The following GPAT3 variants were observed in gnomAD, a reference collection of about 807,000 sequenced individuals.
The protein encoded by GPAT3 is 1-AGP acyltransferase 9.
Under a neutral mutation model 58.8 loss-of-function variants are expected in GPAT3, and 53 were observed. The ratio of observed to expected loss-of-function variants is 0.90; its 90% CI spans 0.72 to 1.13. The LOEUF (loss-of-function observed/expected upper bound fraction) is 1.13. Ranked by LOEUF, GPAT3 falls within the 50% of genes most tolerant of loss-of-function variation. GPAT3 has a pLI of 0.00. For missense variants in GPAT3, 511 were observed against 527.6 expected, an observed-to-expected ratio of 0.97 and a Z score of 0.31; for synonymous variants, 197 against 187.4, an observed-to-expected ratio of 1.05 and a Z score of -0.42.
At chr4:83,546,817 T>G (rs1437003717) in intron 2 of GPAT3, among the ~76,000 whole-genome samples, 2 of 152,178 alleles carry the variant, frequency 1.3e-5, no homozygotes, top group Non-Finnish European at 2.9e-5. Flanking sequence ...GGCTCTGATA[T>G]GTACTGCTTT....
rs923876250 is a variant in GPAT3, at chr4:83,536,253, G to C, written c.-370G>C. On this transcript the variant is annotated 5_prime_UTR_variant, in exon 1 of 12. Transcript: ENST00000264409. Reference sequence around the variant, plus strand: ...CGCAATCGCCACCCAGAGGAAATCAGGCACCGGGCGGGGCGGGTTCCTGGC... The same window carrying C: ...CGCAATCGCCACCCAGAGGAAATCACGCACCGGGCGGGGCGGGTTCCTGGC... 15 of 1,013,258 alleles carry C rather than the reference G, an allele frequency of 1.5e-5. No individual in the cohort carries two copies. The highest frequency in any genetic ancestry group is 1.7e-5 in the African/African-American group (1 of 58,280). 62.8% of individuals were successfully genotyped at this position (1,013,258 alleles called of 1,614,324 possible). A position where few individuals can be genotyped will look rare whatever the true frequency, so the allele number is the denominator to read the frequency against.
chr4:83,565,321 G>A (rs1199672012), intron 2 of GPAT3, among the ~76,000 whole-genome samples: 3 of 151,708 alleles, frequency 2.0e-5, no homozygotes, highest in Admixed American at 6.6e-5. Flanking sequence ...GGCTGGTCTC[G>A]AACTCCTGAC....
intron 2 of GPAT3, among the ~76,000 whole-genome samples, chr4:83,578,929 CTTTCTTTCT>C (rs1364304653): frequency 7.6e-3 from 50 of 6,566 alleles, no homozygotes; most frequent in Admixed American, 9.7e-3. Context: ...TCTTTTCTTT[CTTTCTTTCT>C]TTTCTTTTCT....
At chr4:83,543,638 C>CT (rs944215970) in intron 1 of GPAT3, among the ~76,000 whole-genome samples, 31 of 150,910 alleles carry the variant, frequency 2.1e-4, no homozygotes, top group African/African-American at 5.3e-4. Flanking sequence ...CTTTTTCATT[C>CT]TTTTTTTTTG....
chr4:83,590,872 T>G (rs927269567), intron 6 of GPAT3, among the ~76,000 whole-genome samples: 3 of 149,150 alleles, frequency 2.0e-5, no homozygotes, highest in Non-Finnish European at 4.4e-5. Flanking sequence ...GGGATGAATA[T>G]AGGAATCATA....
At chr4:83,587,364 ACTGT>A in intron 4 of GPAT3, 35 bp downstream of exon 4, 2 of 1,552,586 alleles carry the variant, frequency 1.3e-6, no homozygotes, top group East Asian at 2.2e-5. Context: ...CATATATAGG[ACTGT>A]CTTTTTTCTT....
At position 83,587,296 on chromosome 4, in the gene GPAT3, G is replaced by A. The variant is rs1726411669; in HGVS notation, c.521G>A (p.Gly174Glu). 1 of 1,613,874 alleles carries A rather than the reference G, an allele frequency of 6.2e-7. No homozygotes were observed. Among genetic ancestry groups the A allele is most frequent in the Non-Finnish European group, 8.5e-7 (1 of 1,179,978 alleles). ...AFIGISLLVI[G>E]TTLVGQLPDS... ...ATTGGGATCAGTTTGCTGGTTATAG[G>A]AACTACACTGGTTGGGCAGCTGCCA... Residue 174 changes from glycine (G) to glutamate (E), a missense_variant, in exon 4 of 12, where the codon GGA (glycine) becomes GAA (glutamate). By Grantham distance (98) the Gly-to-Glu change is moderately conservative (BLOSUM62 -2). Transcript: ENST00000264409.
intron 6 of GPAT3, among the ~76,000 whole-genome samples, chr4:83,593,730 A>G (rs772141135): frequency 2.6e-5 from 4 of 152,128 alleles, no homozygotes; most frequent in Non-Finnish European, 4.4e-5. Context: ...GCCATCCAAG[A>G]TGGAGGGTAT....
At chr4:83,535,776 T>C, upstream of GPAT3, 1 of 985,502 alleles carries the variant, frequency 1.0e-6, no homozygotes, top group South Asian at 4.7e-5. Context: ...CGTACACGGC[T>C]GCGTGGTGCG....
At chr4:83,589,133 A>C (rs1726494463) in intron 5 of GPAT3, among the ~76,000 whole-genome samples, 1 of 152,164 alleles carries the variant, frequency 6.6e-6, no homozygotes, top group Admixed American at 6.5e-5. Flanking sequence ...GAAAGAAAAC[A>C]CTCTGGCAGG....
At chr4:83,587,854 G>A (rs1486805507) in intron 4 of GPAT3, among the ~76,000 whole-genome samples, 1 of 152,094 alleles carries the variant, frequency 6.6e-6, no homozygotes, top group Admixed American at 6.5e-5. Flanking sequence ...AAGGAGAATT[G>A]AAGAAAGAAA....
chr4:83,536,433 G>C lies in GPAT3; in HGVS notation c.-190G>C. 1 of 1,387,462 alleles carries C rather than the reference G, an allele frequency of 7.2e-7. No homozygotes were observed. Among genetic ancestry groups the C allele is most frequent in the East Asian group, 2.7e-5 (1 of 37,356 alleles). The allele number at this position is 1,387,462 out of a possible 1,614,324, so 85.9% of individuals were successfully genotyped here. The stretch of plus-strand genomic sequence containing the variant: ...AGAGTTAACTGGCAGGGGCGAGGAG[G>C]AGCCCAGGGAGGAAGGAAGGATATT... On this transcript the variant is annotated 5_prime_UTR_variant, in exon 1 of 12. Coordinates refer to ENST00000264409, the MANE Select transcript of GPAT3 (RefSeq NM_032717.5).
chr4:83,576,463 AGACAGAG>A (rs1440976922), intron 2 of GPAT3, among the ~76,000 whole-genome samples: 163 of 136,834 alleles, frequency 1.2e-3, no homozygotes, highest in African/African-American at 4.2e-3. Context: ...TTTACTTTTG[AGACAGAG>A]TCCCACTCTG....
At chr4:83,599,997 G>A (rs191692541) in intron 11 of GPAT3, among the ~76,000 whole-genome samples, 2 of 152,248 alleles carry the variant, frequency 1.3e-5, no homozygotes, top group Admixed American at 6.5e-5. Flanking sequence ...TGTGAATGTG[G>A]TCTCTCTCTT....
intron 1 of GPAT3, 116 bp downstream of exon 1, chr4:83,536,879 C>A (rs1724117425): frequency 1.1e-6 from 1 of 924,460 alleles, no homozygotes; most frequent in Non-Finnish European, 1.6e-6. Context: ...CGTGTGCATG[C>A]GTGCGTGCAT....
chr4:83,585,033 A>C (rs1726326935), intron 3 of GPAT3, among the ~76,000 whole-genome samples: 1 of 152,196 alleles, frequency 6.6e-6, no homozygotes, highest in Admixed American at 6.5e-5. Context: ...CTTCTGATTT[A>C]ATGGATGGGA....
intron 2 of GPAT3, among the ~76,000 whole-genome samples, chr4:83,566,583 C>G (rs914980644): frequency 6.6e-6 from 1 of 151,364 alleles, no homozygotes; most frequent in Non-Finnish European, 1.5e-5. Flanking sequence ...CCTATTTATT[C>G]TTGTTTACTT....
At chr4:83,593,166 C>CATTTTTTTTTTT (rs1726672716) in intron 6 of GPAT3, among the ~76,000 whole-genome samples, 1 of 112,358 alleles carries the variant, frequency 8.9e-6, no homozygotes, top group East Asian at 2.9e-4. Flanking sequence ...CGAGCCAGGA[C>CATTTTTTTTTTT]TTTTTTTTTT....
chr4:83,536,037 C>G (rs1053571319), upstream of GPAT3: 17 of 985,342 alleles, frequency 1.7e-5, no homozygotes, highest in Admixed American at 8.6e-4. Context: ...GGGAGCTCCC[C>G]CGTTGGGTGA....
Sources: gnomAD v4.1 joint callset for allele counts (sites outside exome capture counted in the v4.1 genomes callset) on GRCh38, gnomAD v4.1.1 for gene constraint, MANE v1.5 for transcripts, NCBI Gene and HGNC (gene_info 2026-07-23, HGNC 2026-07-21) for gene names.